DCC: variants seen among roughly 807,000 people sequenced by gnomAD.
The protein encoded by DCC is netrin receptor DCC.
In DCC, 58 loss-of-function variants were observed where a neutral mutation model predicts 172.5. The ratio of observed to expected loss-of-function variants is 0.34; its 90% confidence interval spans 0.27 to 0.42. The LOEUF (loss-of-function observed/expected upper bound fraction) is 0.42. DCC is among the 10% of genes least tolerant of loss of function. The probability of loss-of-function intolerance (pLI) is 1.00; values close to 1 mark genes in which losing one functional copy is unlikely to be tolerated. For missense variants in DCC, 1,740 were observed against 1,791.0 expected (o/e 0.97, Z 0.51); for synonymous variants, 709 against 644.5 (o/e 1.10, Z -1.52).
At chr18:52,467,086 T>C (rs1208743126) in intron 1 of DCC, among the ~76,000 whole-genome samples, 4 of 151,978 alleles carry the variant, frequency 2.6e-5, no homozygotes, top group African/African-American at 7.3e-5. Flanking sequence ...CTGGGATACA[T>C]GTGCGGAATG....
chr18:52,997,439 A>G (rs1175258087), intron 5 of DCC, among the ~76,000 whole-genome samples: 1 of 152,140 alleles, frequency 6.6e-6, no homozygotes, highest in Non-Finnish European at 1.5e-5. Flanking sequence ...ACCTAGATGA[A>G]GTGTAATAGA....
intron 5 of DCC, among the ~76,000 whole-genome samples, chr18:52,936,567 A>G (rs1225884307): frequency 1.5e-5 from 1 of 68,586 alleles, no homozygotes; most frequent in African/African-American, 4.6e-5. Context: ...GAGGCCCCCG[A>G]GGGAAAAGCA....
intron 8 of DCC, among the ~76,000 whole-genome samples, chr18:53,162,958 G>A (rs528970400): frequency 2.0e-5 from 3 of 152,202 alleles, no homozygotes; most frequent in South Asian, 2.1e-4. Context: ...AATATTTTTC[G>A]ACTTGATGCC....
intron 7 of DCC, among the ~76,000 whole-genome samples, chr18:53,068,096 G>C (rs964904498): frequency 6.6e-6 from 1 of 152,180 alleles, no homozygotes; most frequent in Non-Finnish European, 1.5e-5. Flanking sequence ...AAGATCACCA[G>C]TTTCTCTGAT....
intron 5 of DCC, among the ~76,000 whole-genome samples, chr18:52,935,308 A>G (rs1422843443): frequency 1.3e-5 from 2 of 152,068 alleles, no homozygotes; most frequent in African/African-American, 2.4e-5. Context: ...CCTTTATTTA[A>G]TAATTACTAA....
At chr18:53,382,386 ATTTTCACCATT>A (rs1907830461) in intron 15 of DCC, among the ~76,000 whole-genome samples, 1 of 151,988 alleles carries the variant, frequency 6.6e-6, no homozygotes, top group Non-Finnish European at 1.5e-5. Context: ...ACCTAATTGT[ATTTTCACCATT>A]TTTTCACTGA....
At chr18:52,617,574 C>T (rs879627897) in intron 1 of DCC, among the ~76,000 whole-genome samples, 1 of 151,816 alleles carries the variant, frequency 6.6e-6, no homozygotes, top group Non-Finnish European at 1.5e-5. Flanking sequence ...CCTTGGTTCA[C>T]ATTCCCCTAT....
chr18:52,734,777 A>T (rs919584417), intron 1 of DCC, among the ~76,000 whole-genome samples: 2 of 152,152 alleles, frequency 1.3e-5, no homozygotes, highest in African/African-American at 4.8e-5. Context: ...TTCAATACTT[A>T]AAAAAAGTTA....
intron 7 of DCC, among the ~76,000 whole-genome samples, chr18:53,087,015 C>T (rs368160724): frequency 1.3e-5 from 2 of 151,706 alleles, no homozygotes; most frequent in African/African-American, 4.8e-5. Flanking sequence ...TGGACATTTG[C>T]GTTGGTTCCA....
At chr18:52,703,460 T>C (rs2145040353) in intron 1 of DCC, among the ~76,000 whole-genome samples, 1 of 152,080 alleles carries the variant, frequency 6.6e-6, no homozygotes, top group South Asian at 2.1e-4. Context: ...TTTGACACCA[T>C]TGTTTACTAA....
chr18:52,791,286 TA>T (rs1329914793), intron 2 of DCC, among the ~76,000 whole-genome samples: 2 of 152,098 alleles, frequency 1.3e-5, no homozygotes, highest in Non-Finnish European at 2.9e-5. Context: ...ACTTTTTCTT[TA>T]AAATCTCAGG....
intron 2 of DCC, among the ~76,000 whole-genome samples, chr18:52,893,023 GA>G (rs2145424458): frequency 6.6e-6 from 1 of 152,172 alleles, no homozygotes; most frequent in African/African-American, 2.4e-5. Flanking sequence ...GGAAAAAATT[GA>G]CTCCTTTTGG....
At chr18:52,776,569 C>G (rs2037437152) in intron 2 of DCC, among the ~76,000 whole-genome samples, 1 of 152,060 alleles carries the variant, frequency 6.6e-6, no homozygotes, top group African/African-American at 2.4e-5. Flanking sequence ...AAAATAACAT[C>G]CCTGAGAGAT....
intron 5 of DCC, among the ~76,000 whole-genome samples, chr18:52,978,423 C>T (rs1005581588): frequency 6.6e-6 from 1 of 152,092 alleles, no homozygotes; most frequent in Non-Finnish European, 1.5e-5. Flanking sequence ...AAGAGGTGGT[C>T]GGCAGCATCA....
At chr18:53,506,561 T>C (rs2046178299) in intron 27 of DCC, among the ~76,000 whole-genome samples, 1 of 151,946 alleles carries the variant, frequency 6.6e-6, no homozygotes, top group East Asian at 1.9e-4. Flanking sequence ...TTCTCTGCGT[T>C]CATAGAAAGG....
intron 7 of DCC, among the ~76,000 whole-genome samples, chr18:53,068,816 T>TGTGTGTGTGTGTGTGG (rs2042612131): frequency 6.6e-6 from 1 of 151,808 alleles, no homozygotes; most frequent in Non-Finnish European, 1.5e-5. Context: ...TGTGTGTGTG[T>TGTGTGTGTGTGTGTGG]GTTGCTGGGG....
chr18:52,575,597 T>C (rs935195589), intron 1 of DCC, among the ~76,000 whole-genome samples: 1 of 152,160 alleles, frequency 6.6e-6, no homozygotes, highest in African/African-American at 2.4e-5. Context: ...GTTAGTTTCT[T>C]AGTTGTTTTT....
chr18:52,488,258 C>T (rs1345724196), intron 1 of DCC, among the ~76,000 whole-genome samples: 2 of 152,034 alleles, frequency 1.3e-5, no homozygotes, highest in Non-Finnish European at 2.9e-5. Context: ...CTTTAATTGT[C>T]TGTAGTTCCA....
intron 21 of DCC, among the ~76,000 whole-genome samples, chr18:53,425,628 C>T (rs1218640669): frequency 1.3e-5 from 2 of 152,024 alleles, no homozygotes; most frequent in African/African-American, 2.4e-5. Flanking sequence ...TCCCAAAGTG[C>T]TGGGATTACA....
Sources: allele counts gnomAD v4.1 joint callset (sites outside exome capture counted in the v4.1 genomes callset), GRCh38; gene constraint gnomAD v4.1.1; transcripts MANE v1.5; gene names NCBI Gene and HGNC (gene_info 2026-07-23, HGNC 2026-07-21).